Variants in CDH13 observed in about 807,000 individuals in gnomAD.
CDH13 encodes cadherin-13.
CDH13 carries 24 observed loss-of-function variants against 63.8 expected under a neutral mutation model. The observed-to-expected ratio is 0.38, with a 90% CI of 0.27 to 0.53. The LOEUF is 0.53. Among genes scored for constraint, CDH13 ranks in the 20% least tolerant of loss-of-function variants. The pLI is 0.85. For missense variants in CDH13, 1,049 were observed against 903.1 expected, an observed-to-expected ratio of 1.16 and a Z score of -2.07; for synonymous variants, 503 against 355.3, an observed-to-expected ratio of 1.42 and a Z score of -4.67.
At position 83,511,079 on chromosome 16, in the gene CDH13, C is replaced by T. The variant is rs562158668; in HGVS notation, c.960+24424C>T. Among the ~76,000 whole-genome samples the T allele has an allele frequency of 4.4e-3, 609 of 137,812 alleles. 1 individual carries two copies. Among genetic ancestry groups the T allele is most frequent in the African/African-American group, 0.017 (567 of 33,418 alleles). The allele number at this position is 137,812 out of a possible 152,430, so 90.4% of individuals were successfully genotyped here. ...ACACACAGACACGCACACACATGCA[C>T]GCATGCACACACACATGCACACATG... On this transcript the variant is annotated intron_variant, in intron 7 of 13. Coordinates refer to ENST00000567109, the MANE Select transcript of CDH13 (RefSeq NM_001257.5).
chr16:82,943,581 TA>T (rs1267846275), intron 2 of CDH13, among the ~76,000 whole-genome samples: 1 of 152,210 alleles, frequency 6.6e-6, no homozygotes, highest in Non-Finnish European at 1.5e-5. Context: ...TGGCTTTTAT[TA>T]GGCAATGTAT....
chr16:82,650,907 T>C (rs1017020223), intron 1 of CDH13, among the ~76,000 whole-genome samples: 1 of 152,184 alleles, frequency 6.6e-6, no homozygotes, highest in Non-Finnish European at 1.5e-5. Context: ...GTTAAAACAA[T>C]AAACAGGAGA....
intron 5 of CDH13, among the ~76,000 whole-genome samples, chr16:83,319,216 CT>C (rs1567588492): frequency 1.3e-5 from 2 of 152,102 alleles, no homozygotes; most frequent in African/African-American, 4.8e-5. Flanking sequence ...TCATGTTTAC[CT>C]ACTAATGTAA....
intron 4 of CDH13, among the ~76,000 whole-genome samples, chr16:83,188,628 C>A (rs1158036196): frequency 6.6e-6 from 1 of 152,126 alleles, no homozygotes; most frequent in Non-Finnish European, 1.5e-5. Context: ...CAGGCTGCCT[C>A]CCCTCCAAAG....
At chr16:83,038,119 C>A (rs541803914) in intron 3 of CDH13, among the ~76,000 whole-genome samples, 4 of 152,298 alleles carry the variant, frequency 2.6e-5, no homozygotes, top group Admixed American at 2.6e-4. Context: ...TTCACACTTG[C>A]TCATTTCATG....
chr16:83,502,843 C>T (rs2074312437), intron 7 of CDH13, among the ~76,000 whole-genome samples: 1 of 152,146 alleles, frequency 6.6e-6, no homozygotes, highest in African/African-American at 2.4e-5. Context: ...AGGCACAGTC[C>T]ACTTGACCAG....
intron 5 of CDH13, among the ~76,000 whole-genome samples, chr16:83,321,390 C>T (rs72804323): frequency 1.2e-4 from 19 of 152,186 alleles, no homozygotes; most frequent in African/African-American, 4.3e-4. Context: ...TCATTGGCAT[C>T]GGAATTATTT....
intron 4 of CDH13, among the ~76,000 whole-genome samples, chr16:83,160,583 C>G (rs900340164): frequency 6.6e-6 from 1 of 152,144 alleles, no homozygotes; most frequent in Non-Finnish European, 1.5e-5. Flanking sequence ...GCTCGTGTGG[C>G]CTTCCAAAAG....
Position 83,204,098 on chromosome 16 carries a change from G to A in CDH13, c.484-13247G>A, listed in dbSNP as rs567122973. ...CCTGAGATGAATGTTCCTGGGCCAT[G>A]AATGGCCATGTCACACGGAGTTCCG... On this transcript the variant is annotated intron_variant, in intron 4 of 13. Coordinates refer to ENST00000567109, the MANE Select transcript of CDH13 (RefSeq NM_001257.5). Among the ~76,000 whole-genome samples the A allele has an allele frequency of 1.3e-5, 2 of 152,330 alleles. 1 individual carries two copies. The highest frequency in any genetic ancestry group is 4.1e-4 in the South Asian group (2 of 4,832).
intron 10 of CDH13, among the ~76,000 whole-genome samples, chr16:83,723,330 A>G (rs1909940138): frequency 6.6e-6 from 1 of 152,096 alleles, no homozygotes; most frequent in Non-Finnish European, 1.5e-5. Context: ...GAAGGTTAGC[A>G]CCTCTCTCCA....
intron 1 of CDH13, among the ~76,000 whole-genome samples, chr16:82,660,551 A>G (rs1028508900): frequency 8.5e-5 from 13 of 152,286 alleles, no homozygotes; most frequent in Admixed American, 2.6e-4. Context: ...CAAAACAGAA[A>G]CAGCCCGAGG....
chr16:82,676,894 T>TTGTTC (rs1273455453), intron 1 of CDH13, among the ~76,000 whole-genome samples: 1 of 150,758 alleles, frequency 6.6e-6, no homozygotes, highest in Non-Finnish European at 1.5e-5. Context: ...TTGTTTTGTT[T>TTGTTC]TGTTTTTTTC....
rs531474468 is a variant in CDH13 at position 83,493,838 on chromosome 16, C to G, written c.960+7183C>G. ...AAATGAGTTAAGCTAAAGGAGAGAT[C>G]GTCAGTGGCAAAGTTCAGGCGTTTT... On this transcript the variant is annotated intron_variant, in intron 7 of 13. Coordinates refer to ENST00000567109, the MANE Select transcript of CDH13 (RefSeq NM_001257.5). 7.2e-5 allele frequency among the ~76,000 whole-genome samples: 11 copies of G among 152,306 alleles called. No individual in the cohort carries two copies. The South Asian group carries it at 2.1e-3, about 29-fold the overall frequency.
At chr16:83,099,639 T>TTTTTTTTTTTTTTTTTTTTTTTGAG (rs1449900581) in intron 3 of CDH13, among the ~76,000 whole-genome samples, 1 of 150,822 alleles carries the variant, frequency 6.6e-6, no homozygotes, top group African/African-American at 2.4e-5. Context: ...ATATTACTTC[T>TTTTTTTTTTTTTTTTTTTTTTTGAG]AATCCTTAAC....
rs372192253 is a variant in CDH13, at chr16:82,913,788, A to C, written c.157+55315A>C. Among the ~76,000 whole-genome samples, 6 of 151,930 alleles carry C rather than the reference A, an allele frequency of 3.9e-5. No homozygotes were observed. The East Asian group carries it at 7.8e-4, about 20-fold the overall frequency. ...TTTGGGAGATGAAGGGGGTGCAGGT[A>C]GAGGAGTGGGGGATTGAGACAGGGA... On this transcript the variant is annotated intron_variant, in intron 2 of 13. Coordinates refer to ENST00000567109, the MANE Select transcript of CDH13 (RefSeq NM_001257.5).
chr16:83,357,618 G>A (rs972278091), intron 6 of CDH13, among the ~76,000 whole-genome samples: 2 of 152,156 alleles, frequency 1.3e-5, no homozygotes, highest in Non-Finnish European at 2.9e-5. Flanking sequence ...TGGGGAAGAA[G>A]AGGGTACAAC....
intron 1 of CDH13, among the ~76,000 whole-genome samples, chr16:82,642,159 C>T (rs1357785858): frequency 6.6e-6 from 1 of 151,114 alleles, no homozygotes; most frequent in African/African-American, 2.4e-5. Flanking sequence ...CCACTGCAGC[C>T]TAACACCTAA....
Position 83,502,354 on chromosome 16 carries a change from G to C in CDH13, c.960+15699G>C, listed in dbSNP as rs901924882. On this transcript the variant is annotated intron_variant, in intron 7 of 13. Coordinates refer to ENST00000567109, the MANE Select transcript of CDH13 (RefSeq NM_001257.5). ...GATGGAGCAAGGGCCCACCATGCAAGGGCTGTGGACAGAGCTTCTGGCATC... is the reference window on the plus strand; with the variant it reads ...GATGGAGCAAGGGCCCACCATGCAACGGCTGTGGACAGAGCTTCTGGCATC... Among the ~76,000 whole-genome samples the C allele has an allele frequency of 2.6e-5, 4 of 152,160 alleles. No individual in the cohort carries two copies. In the East Asian group the frequency reaches 7.8e-4, roughly 30 times the overall value.
chr16:82,902,568 T>C (rs949575579), intron 2 of CDH13, among the ~76,000 whole-genome samples: 1 of 152,084 alleles, frequency 6.6e-6, no homozygotes, highest in Non-Finnish European at 1.5e-5. Flanking sequence ...ACTTGGAATG[T>C]GTTTAGCTTC....
Sources: gnomAD v4.1 joint callset for allele counts (sites outside exome capture counted in the v4.1 genomes callset) on GRCh38, gnomAD v4.1.1 for gene constraint, MANE v1.5 for transcripts, NCBI Gene and HGNC (gene_info 2026-07-23, HGNC 2026-07-21) for gene names.